HTRA3: variants seen among roughly 807,000 people sequenced by gnomAD.
HTRA3 encodes the protein serine protease HTRA3.
A neutral mutation model predicts 43.2 loss-of-function variants in HTRA3; 41 were observed. The observed-to-expected ratio is 0.95, with a 90% confidence interval of 0.74 to 1.23. The LOEUF (loss-of-function observed/expected upper bound fraction) is 1.23. HTRA3 is among the 50% of genes most tolerant of loss of function. The probability of loss-of-function intolerance (pLI) is 0.00; values close to 1 mark genes in which losing one functional copy is unlikely to be tolerated. For missense variants in HTRA3, 628 were observed against 647.1 expected (o/e 0.97, Z 0.32); for synonymous variants, 295 against 287.9 (o/e 1.02, Z -0.25).
intron 8 of HTRA3, among the ~76,000 whole-genome samples, chr4:8,305,566 C>T (rs73224099): frequency 0.015 from 2,293 of 152,324 alleles, 30 homozygotes; most frequent in Non-Finnish European, 0.023. Context: ...AGGCTGGCCC[C>T]GTGAGCTCTG....
intron 1 of HTRA3, among the ~76,000 whole-genome samples, chr4:8,278,533 C>A (rs4438745): frequency 1.3e-5 from 2 of 152,030 alleles, no homozygotes; most frequent in African/African-American, 4.8e-5. Context: ...GTGGGGCCCA[C>A]GGTTTTCCTG....
Position 8,291,641 on chromosome 4 carries a change from G to T in HTRA3, c.903+77G>T, listed in dbSNP as rs1035106209. On this transcript the variant is annotated intron_variant, in intron 4 of 8. Coordinates refer to ENST00000307358, the MANE Select transcript of HTRA3 (RefSeq NM_053044.5). ...TCAACCTCGAGGTGGTCTCTGACTC[G>T]GCTTGCCCCCCTCCCCAGAGCCATT... 33 of 1,137,462 alleles carry T rather than the reference G, an allele frequency of 2.9e-5. No individual in the cohort carries two copies. The East Asian group carries it at 8.5e-4, about 29-fold the overall frequency. 70.5% of individuals were successfully genotyped at this position (1,137,462 alleles called of 1,614,324 possible). A position where few individuals can be genotyped will look rare whatever the true frequency, so the allele number is the denominator to read the frequency against.
In HTRA3 at chr4:8,306,857, T is replaced by C. The variant is rs1713874421; in HGVS notation, c.*721T>C. ...CCATGGGGCAGCCTGCAGAGGACAG[T>C]GGACGTGGAGCTGCGGGGTGTGAGG... On this transcript the variant is annotated 3_prime_UTR_variant, in exon 9 of 9. Transcript: ENST00000307358. This position sits in a 1 kb window ranked among gnomAD's most constrained non-coding sequence, Gnocchi z 8.9. 1 of 152,556 alleles carries C rather than the reference T, an allele frequency of 6.6e-6. No individual in the cohort carries two copies. The allele number at this position is 152,556 out of a possible 1,614,324, so 9.5% of individuals were successfully genotyped here.
intron 6 of HTRA3, among the ~76,000 whole-genome samples, chr4:8,299,182 G>A (rs79175524): frequency 0.012 from 1,763 of 151,904 alleles, 28 homozygotes; most frequent in African/African-American, 0.041. Context: ...TATAGTTTTC[G>A]GTGTACTGGT....
chr4:8,305,853 G>T, intron 8 of HTRA3, 118 bp from the exon 9 acceptor site: 1 of 1,099,710 alleles, frequency 9.1e-7, no homozygotes, highest in South Asian at 1.4e-5. Flanking sequence ...CTTTCCCATC[G>T]AGATGACTTT....
At chr4:8,271,217 G>A (rs1040486403) in intron 1 of HTRA3, among the ~76,000 whole-genome samples, 2 of 120,172 alleles carry the variant, frequency 1.7e-5, no homozygotes, top group South Asian at 2.9e-4. Flanking sequence ...AGCCTGCAGA[G>A]GGCTTCCTCA....
In HTRA3 at chr4:8,291,480, C is replaced by G; in HGVS notation, c.819C>G (p.Ile273Met). Residue 273 changes from isoleucine to methionine, a missense_variant, in exon 4 of 9, where the codon ATC becomes ATG. Coordinates refer to ENST00000307358, the MANE Select transcript of HTRA3 (RefSeq NM_053044.5). ...TACAGAACACAGTGACAACGGGCAT[C>G]GTCAGCACTGCCCAGCGGGAGGGCA... The part of the protein sequence containing the change: ...FALQNTVTTG[I>M]VSTAQREGRE... The G allele has an allele frequency of 6.2e-7, 1 of 1,613,036 alleles. No homozygotes were observed. Among genetic ancestry groups the G allele is most frequent in the Non-Finnish European group, 8.5e-7 (1 of 1,179,948 alleles).
At chr4:8,289,506 C>T (rs965960753) in intron 3 of HTRA3, among the ~76,000 whole-genome samples, 2 of 152,310 alleles carry the variant, frequency 1.3e-5, no homozygotes, top group African/African-American at 4.8e-5. Flanking sequence ...TCTCCCCTTC[C>T]GGCGGCTGTG....
At chr4:8,300,869 C>A (rs375489327) in intron 6 of HTRA3, among the ~76,000 whole-genome samples, 1 of 150,750 alleles carries the variant, frequency 6.6e-6, no homozygotes, top group East Asian at 2.0e-4. Context: ...ACACTCTTAC[C>A]TTTATTGATT....
rs753769739 is a variant in HTRA3, at chr4:8,279,697, C to G, written c.386-2740C>G. Among the ~76,000 whole-genome samples the G allele has an allele frequency of 6.6e-6, 1 of 152,166 alleles. No individual in the cohort carries two copies. Among genetic ancestry groups the G allele is most frequent in the South Asian group, 2.1e-4 (1 of 4,832 alleles). On this transcript the variant is annotated intron_variant, in intron 1 of 8. Transcript: ENST00000307358. This position sits in a 1 kb window ranked among gnomAD's most constrained non-coding sequence, Gnocchi z 7.4. ...TCCTTCTGCTGTGTTCACACTGGGC[C>G]CAGGTCCCTGTGTGCCGTGGCTGCC...
chr4:8,269,798 G>C lies in HTRA3; in HGVS notation c.-171G>C, dbSNP rs1166501649. On this transcript the variant is annotated 5_prime_UTR_variant, in exon 1 of 9. Transcript: ENST00000307358. ...GTCCCTGCGCTCCCTGCGCCCTGGG[G>C]ATGCCCCTGCCGCCCTGACGCCCGC... 1 of 168,312 alleles carries C rather than the reference G, an allele frequency of 5.9e-6. No homozygotes were observed. Among genetic ancestry groups the C allele is most frequent in the Non-Finnish European group, 1.2e-5 (1 of 81,904 alleles). 10.4% of individuals were successfully genotyped at this position (168,312 alleles called of 1,614,324 possible).
intron 3 of HTRA3, among the ~76,000 whole-genome samples, chr4:8,289,304 GTC>G (rs1713132118): frequency 6.6e-6 from 1 of 152,194 alleles, no homozygotes; most frequent in Non-Finnish European, 1.5e-5. Context: ...AAGCCCTGTG[GTC>G]TCTGTCACAA....
intron 5 of HTRA3, among the ~76,000 whole-genome samples, chr4:8,293,510 C>T (rs4074438): frequency 3.9e-5 from 6 of 152,142 alleles, no homozygotes; most frequent in Admixed American, 3.9e-4. Context: ...GGGGTATAAG[C>T]CAGGCTGTGG....
At chr4:8,285,186 T>C (rs991159172) in intron 2 of HTRA3, among the ~76,000 whole-genome samples, 1 of 152,156 alleles carries the variant, frequency 6.6e-6, no homozygotes, top group Non-Finnish European at 1.5e-5. Context: ...CACCGTAACT[T>C]CAGGACACCT....
intron 2 of HTRA3, among the ~76,000 whole-genome samples, chr4:8,283,701 C>A (rs891753805): frequency 1.3e-5 from 2 of 152,186 alleles, no homozygotes; most frequent in African/African-American, 4.8e-5. Flanking sequence ...CGGGTCCAGG[C>A]GGACACGGAG....
In HTRA3 at chr4:8,279,932, C is replaced by T. The variant is rs148574538; in HGVS notation, c.386-2505C>T. Among the ~76,000 whole-genome samples, 183 of 152,294 alleles carry T rather than the reference C, an allele frequency of 1.2e-3. 2 individuals are homozygous for T. In the East Asian group the frequency reaches 0.024, roughly 20 times the overall value. On this transcript the variant is annotated intron_variant, in intron 1 of 8. Coordinates refer to ENST00000307358, the MANE Select transcript of HTRA3 (RefSeq NM_053044.5). The surrounding 1 kb of genome is among the most constrained non-coding windows in gnomAD (Gnocchi z 7.4). Reference sequence around the variant, plus strand: ...GAACCACTGTGTCTCCAGCAGCTGTCACAGGTGGGCACACAGGAGGCACCC... The same window carrying T: ...GAACCACTGTGTCTCCAGCAGCTGTTACAGGTGGGCACACAGGAGGCACCC...
chr4:8,292,003 G>A (rs1008535428), intron 4 of HTRA3, among the ~76,000 whole-genome samples: 8 of 152,166 alleles, frequency 5.3e-5, no homozygotes, highest in Non-Finnish European at 7.3e-5. Flanking sequence ...CTTTGTAGAG[G>A]GCCCCCCCAG....
intron 6 of HTRA3, among the ~76,000 whole-genome samples, chr4:8,298,564 G>A (rs913616654): frequency 5.3e-5 from 8 of 151,664 alleles, no homozygotes; most frequent in African/African-American, 1.7e-4. Flanking sequence ...TATCTAAGAC[G>A]TCTTTGCTAA....
intron 7 of HTRA3, among the ~76,000 whole-genome samples, chr4:8,303,058 GTCTCT>G (rs1713720774): frequency 6.6e-6 from 1 of 152,184 alleles, no homozygotes. Flanking sequence ...AACCAAGAAG[GTCTCT>G]TCTCAAGATC....
Sources: allele counts gnomAD v4.1 joint callset (sites outside exome capture counted in the v4.1 genomes callset), GRCh38; gene constraint gnomAD v4.1.1; non-coding constraint Gnocchi (gnomAD v3.1); transcripts MANE v1.5; gene names NCBI Gene and HGNC (gene_info 2026-07-23, HGNC 2026-07-21).